The following TP53BP2 variants were observed in gnomAD, a reference collection of about 807,000 sequenced individuals.
TP53BP2 encodes tumor protein p53 binding protein 2, also known as apoptosis-stimulating of p53 protein 2.
TP53BP2 carries 62 observed loss-of-function variants against 126.2 expected under a neutral mutation model. That is an observed-to-expected ratio of 0.49 (90% CI 0.40 to 0.61). TP53BP2 has a LOEUF of 0.61. TP53BP2 is among the 20% of genes least tolerant of loss of function. The probability of loss-of-function intolerance (pLI) is 0.00; values close to 1 mark genes in which losing one functional copy is unlikely to be tolerated. For synonymous variants in TP53BP2, 485 were observed against 502.9 expected (o/e 0.96, Z 0.48); for missense variants, 1,215 against 1,402.8 (o/e 0.87, Z 2.14).
chr1:223,808,289 G>A (rs930648307), intron 4 of TP53BP2, among the ~76,000 whole-genome samples: 3 of 152,122 alleles, frequency 2.0e-5, no homozygotes, highest in Non-Finnish European at 2.9e-5. Context: ...TTGGGAGGCC[G>A]AGGTGGGTGG....
chr1:223,794,311 C>T (rs911814280), intron 13 of TP53BP2, among the ~76,000 whole-genome samples: 1 of 152,116 alleles, frequency 6.6e-6, no homozygotes, highest in Non-Finnish European at 1.5e-5. Context: ...TGGAAAATTG[C>T]CAAGTTTTAA....
intron 1 of TP53BP2, among the ~76,000 whole-genome samples, chr1:223,835,532 T>C (rs1663892584): frequency 1.3e-5 from 2 of 152,172 alleles, no homozygotes; most frequent in African/African-American, 4.8e-5. Context: ...TTCATTCTGT[T>C]TTTTACTTTT....
intron 1 of TP53BP2, among the ~76,000 whole-genome samples, chr1:223,838,905 C>T (rs911559903): frequency 2.0e-5 from 3 of 151,708 alleles, no homozygotes; most frequent in Non-Finnish European, 2.9e-5. Context: ...TTCCTTTGCC[C>T]AGGGGGAGGT....
chr1:223,795,656 A>G (rs1203815067), intron 13 of TP53BP2, among the ~76,000 whole-genome samples, 159 bp downstream of exon 13: 2 of 152,206 alleles, frequency 1.3e-5, no homozygotes, highest in Non-Finnish European at 2.9e-5. Context: ...TGTTCTTTAT[A>G]TTGAATAAAC....
At chr1:223,845,567 C>G in intron 1 of TP53BP2, 87 bp downstream of exon 1, 2 of 1,385,154 alleles carry the variant, frequency 1.4e-6, no homozygotes, top group Non-Finnish European at 9.4e-7. Flanking sequence ...AGGCTCCTTC[C>G]CCGACGCGCC....
chr1:223,792,496 A>G lies in TP53BP2; in HGVS notation c.2889T>C (p.Asp963=). 6.2e-7 allele frequency: 1 copy of G among 1,614,040 alleles called. No homozygotes were observed. The highest frequency in any genetic ancestry group is 8.5e-7 in the Non-Finnish European group (1 of 1,179,938). Residue 963 remains aspartate, a synonymous_variant, in exon 15 of 18, where the codon GAT becomes GAC. Coordinates refer to ENST00000343537, the MANE Select transcript of TP53BP2 (RefSeq NM_001031685.3). Reference sequence around the variant, plus strand: ...CATTGTGAAGAGCCGTGATGCCTTCATCATTGGGGAGGCTTGGGTCATCAA... The same window carrying G: ...CATTGTGAAGAGCCGTGATGCCTTCGTCATTGGGGAGGCTTGGGTCATCAA... ...YEVDDPSLPN[D]EGITALHNAV... is the part of the protein sequence containing the mutation.
intron 12 of TP53BP2, 33 bp downstream of exon 12, chr1:223,798,182 A>T: frequency 1.3e-6 from 2 of 1,579,918 alleles, no homozygotes; most frequent in Non-Finnish European, 8.6e-7. Context: ...TATAGAACTT[A>T]AGCACGTCAC....
chr1:223,800,108 CGT>C, intron 10 of TP53BP2, 61 bp from the exon 11 acceptor site: 1 of 1,486,212 alleles, frequency 6.7e-7, no homozygotes, highest in Non-Finnish European at 9.0e-7. Context: ...CTCATTCACT[CGT>C]AAGTTTCTCT....
intron 1 of TP53BP2, among the ~76,000 whole-genome samples, chr1:223,833,029 G>A (rs746099271): frequency 2.0e-5 from 3 of 152,098 alleles, no homozygotes; most frequent in African/African-American, 7.2e-5. Flanking sequence ...CTGACGATGG[G>A]TCCCAACCTT....
chr1:223,831,476 AAAAAATATATATATAT>A (rs1192611249), intron 1 of TP53BP2, among the ~76,000 whole-genome samples: 10 of 50,204 alleles, frequency 2.0e-4, no homozygotes, highest in African/African-American at 5.6e-4. Flanking sequence ...TAAAAAAAAA[AAAAAATATATATATAT>A]ATATATATAT....
At chr1:223,843,420 C>T (rs796593089) in intron 1 of TP53BP2, among the ~76,000 whole-genome samples, 3 of 152,266 alleles carry the variant, frequency 2.0e-5, no homozygotes, top group African/African-American at 7.2e-5. Context: ...CCGCCCGCCT[C>T]GACCTCCCAA....
At chr1:223,810,625 T>C in intron 3 of TP53BP2, 112 bp from the exon 4 acceptor site, 1 of 754,684 alleles carries the variant, frequency 1.3e-6, no homozygotes. Context: ...GTTGAATGTA[T>C]TCTTAAAACA....
At chr1:223,809,173 TGGA>T (rs778290549) in intron 4 of TP53BP2, among the ~76,000 whole-genome samples, 60 of 152,060 alleles carry the variant, frequency 3.9e-4, no homozygotes, top group African/African-American at 7.0e-4. Flanking sequence ...CTCTAGTTGG[TGGA>T]GGAGAAGATA....
At chr1:223,801,631 C>T (rs994709631) in intron 9 of TP53BP2, among the ~76,000 whole-genome samples, 2 of 152,174 alleles carry the variant, frequency 1.3e-5, no homozygotes, top group African/African-American at 4.8e-5. Flanking sequence ...GCTATTTTCA[C>T]TTTTAATCTC....
intron 1 of TP53BP2, among the ~76,000 whole-genome samples, chr1:223,828,742 A>C (rs1663590804): frequency 1.3e-5 from 2 of 152,264 alleles, no homozygotes; most frequent in South Asian, 4.1e-4. Flanking sequence ...GAAAGACCAC[A>C]TAGCATATAA....
Position 223,795,913 on chromosome 1 carries a change from G to C in TP53BP2, c.2626C>G (p.Pro876Ala). ...TCCCCAGATGGGTATGGTGGGGGTG[G>C]GTATGGAGGGTACTCCTCCAGGTAC... ...DVYLEEYPPY[P>A]PPPYPSGEPE... Residue 876 changes from proline to alanine, a missense_variant, in exon 13 of 18, where the codon CCA becomes GCA. Coordinates refer to ENST00000343537, the MANE Select transcript of TP53BP2 (RefSeq NM_001031685.3). 1 of 1,613,784 alleles carries C rather than the reference G, an allele frequency of 6.2e-7. No individual in the cohort carries two copies. The highest frequency in any genetic ancestry group is 8.5e-7 in the Non-Finnish European group (1 of 1,179,876).
chr1:223,800,080 C>A, intron 10 of TP53BP2, 33 bp from the exon 11 acceptor site: 1 of 1,579,388 alleles, frequency 6.3e-7, no homozygotes, highest in Non-Finnish European at 8.6e-7. Flanking sequence ...GACATTCAAA[C>A]TGTTTAGAAT....
At chr1:223,789,786 A>G (rs1309631713) in intron 15 of TP53BP2, among the ~76,000 whole-genome samples, 1 of 152,214 alleles carries the variant, frequency 6.6e-6, no homozygotes, top group Non-Finnish European at 1.5e-5. Flanking sequence ...ATTTATTAAT[A>G]CCATTAAAGA....
At chr1:223,813,958 A>G (rs1202839811) in intron 3 of TP53BP2, among the ~76,000 whole-genome samples, 1 of 152,122 alleles carries the variant, frequency 6.6e-6, no homozygotes, top group Non-Finnish European at 1.5e-5. Context: ...CTTGTCTAAG[A>G]GGACTTTCTG....
Sources: allele counts gnomAD v4.1 joint callset (sites outside exome capture counted in the v4.1 genomes callset), GRCh38; gene constraint gnomAD v4.1.1; transcripts MANE v1.5; gene names NCBI Gene and HGNC (gene_info 2026-07-23, HGNC 2026-07-21).